DKK4: variants seen among roughly 807,000 people sequenced by gnomAD.
The protein encoded by DKK4 is dickkopf-related protein 4.
A neutral mutation model predicts 14.5 loss-of-function variants in DKK4; 15 were observed. The ratio of observed to expected loss-of-function variants is 1.03; its 90% confidence interval spans 0.69 to 1.59. The LOEUF is 1.59. Ranked by LOEUF, DKK4 falls within the 40% of genes most tolerant of loss-of-function variation. The probability of loss-of-function intolerance (pLI) is 0.00; values close to 1 mark genes in which losing one functional copy is unlikely to be tolerated. For synonymous variants in DKK4, 89 were observed against 105.2 expected (o/e 0.85, Z 0.94); for missense variants, 272 against 280.3 (o/e 0.97, Z 0.21).
chr8:42,376,990 A>G lies in DKK4; in HGVS notation c.56T>C (p.Leu19Pro), dbSNP rs369631597. 2.9e-5 allele frequency: 46 copies of G among 1,613,718 alleles called. No homozygotes were observed. Among genetic ancestry groups the G allele is most frequent in the South Asian group, 8.8e-5 (8 of 91,080 alleles). Residue 19 changes from leucine (L) to proline (P), a missense_variant, in exon 1 of 4, where the codon CTG becomes CCG. Coordinates refer to ENST00000220812, the MANE Select transcript of DKK4 (RefSeq NM_014420.3). ...CCTGATGTTGTTGAAGTCCAGGACC[A>G]GAGCTCCCAGGGGAGAGCAGAGCCA... ...LSWLCSPLGALVLDFNNIRSS... is the reference protein window; with the variant it reads ...LSWLCSPLGAPVLDFNNIRSS...
At chr8:42,379,586 A>C (rs372094465), upstream of DKK4, among the ~76,000 whole-genome samples, 1 of 151,860 alleles carries the variant, frequency 6.6e-6, no homozygotes, top group African/African-American at 2.4e-5. Context: ...GGACTTATGA[A>C]GATATAAATA....
At chr8:42,374,662 G>T in intron 3 of DKK4, 99 bp downstream of exon 3, 2 of 1,502,772 alleles carry the variant, frequency 1.3e-6, no homozygotes, top group South Asian at 1.2e-5. Flanking sequence ...AAGTGTTTCT[G>T]GGATGGAGAA....
At chr8:42,389,924 C>A in the DKK4 span, among the ~76,000 whole-genome samples, 1 of 151,242 alleles carries the variant, frequency 6.6e-6, no homozygotes, top group South Asian at 2.1e-4. Flanking sequence ...CGGAGTCTTG[C>A]CCTGTCACCC....
Position 42,375,810 on chromosome 8 carries a change from G to A in DKK4, c.132C>T (p.Asp44=). ...GARKGSQCLS[D]TDCNTRKFCL... is the part of the protein sequence containing the mutation. ...AGAACTTTCTGGTATTGCAGTCCGTGTCAGACAGGCACTGTGAGCCCTGTG... is the reference window on the plus strand; with the variant it reads ...AGAACTTTCTGGTATTGCAGTCCGTATCAGACAGGCACTGTGAGCCCTGTG... Residue 44 remains aspartate (D), a synonymous_variant, in exon 2 of 4, where the codon GAC becomes GAT. Transcript: ENST00000220812. 2.5e-6 allele frequency: 4 copies of A among 1,614,130 alleles called. No individual in the cohort carries two copies. Among genetic ancestry groups the A allele is most frequent in the Non-Finnish European group, 3.4e-6 (4 of 1,180,000 alleles).
upstream of DKK4, among the ~76,000 whole-genome samples, chr8:42,379,049 G>A (rs190788344): frequency 5.2e-3 from 790 of 150,964 alleles, 3 homozygotes; most frequent in African/African-American, 8.8e-3. Context: ...TCAGGAGTTC[G>A]AGACCAGCCT....
At chr8:42,385,602 T>C in the DKK4 span, among the ~76,000 whole-genome samples, 2 of 151,906 alleles carry the variant, frequency 1.3e-5, no homozygotes, top group Non-Finnish European at 2.9e-5. Flanking sequence ...GTCTGGCTTC[T>C]CTTTTACCTT....
Position 42,374,078 on chromosome 8 carries a change from ATTC to A in DKK4, c.*19_*21del, listed in dbSNP as rs773698947. On this transcript the variant is annotated 3_prime_UTR_variant, in exon 4 of 4. Coordinates refer to ENST00000220812, the MANE Select transcript of DKK4 (RefSeq NM_014420.3). ...AAGATTGAGCTCAAATGCAATGTGG[ATTC>A]TTCTTTATTTTGAAATATTTATAGC... 20 of 1,609,498 alleles carry A rather than the reference ATTC, an allele frequency of 1.2e-5. No individual in the cohort carries two copies. The highest frequency in any genetic ancestry group is 2.2e-5 in the East Asian group (1 of 44,880).
chr8:42,374,740 T>A (rs774531363), intron 3 of DKK4, 21 bp downstream of exon 3: 2 of 1,613,674 alleles, frequency 1.2e-6, no homozygotes, highest in Non-Finnish European at 1.7e-6. Flanking sequence ...AAATAAAATA[T>A]GCTGCGAATG....
chr8:42,380,824 GAA>G, upstream of DKK4, among the ~76,000 whole-genome samples: 1 of 141,032 alleles, frequency 7.1e-6, no homozygotes, highest in African/African-American at 2.7e-5. Flanking sequence ...AGGAAGGAAG[GAA>G]GGAAGGGAGG....
At chr8:42,386,019 G>T in the DKK4 span, among the ~76,000 whole-genome samples, 5 of 152,136 alleles carry the variant, frequency 3.3e-5, no homozygotes, top group South Asian at 1.0e-3. Flanking sequence ...GCCTACATCT[G>T]CTCATGTGCG....
chr8:42,379,517 T>C (rs1479929646), upstream of DKK4, among the ~76,000 whole-genome samples: 2 of 150,162 alleles, frequency 1.3e-5, no homozygotes, highest in Admixed American at 6.6e-5. Context: ...CATGTACATA[T>C]GGATGATTTC....
At position 42,374,964 on chromosome 8, in the gene DKK4, CACAG is replaced by C. The variant is rs766262309; in HGVS notation, c.263-55_263-52del. The C allele has an allele frequency of 3.2e-6, 5 of 1,583,782 alleles. No homozygotes were observed. The Admixed American group carries it at 8.4e-5, about 27-fold the overall frequency. ...AATTATTAACTTCAAGGGGGAGAAC[CACAG>C]ACACACTAATTATCCTACTGTTGCA... On this transcript the variant is annotated intron_variant, in intron 2 of 3. Transcript: ENST00000220812.
chr8:42,379,576 G>A (rs559465939), upstream of DKK4, among the ~76,000 whole-genome samples: 30 of 151,626 alleles, frequency 2.0e-4, no homozygotes, highest in Non-Finnish European at 4.1e-4. Flanking sequence ...TAAGGGTGGA[G>A]GACTTATGAA....
chr8:42,388,657 G>A, the DKK4 span, among the ~76,000 whole-genome samples: 10 of 151,612 alleles, frequency 6.6e-5, no homozygotes, highest in South Asian at 1.3e-3. Context: ...TGCGAACTCC[G>A]CCTCCCAGGT....
the DKK4 span, among the ~76,000 whole-genome samples, chr8:42,386,792 C>T: frequency 1.3e-5 from 2 of 152,066 alleles, no homozygotes; most frequent in South Asian, 2.1e-4. Context: ...CCAGGCCAGC[C>T]CTTTTTCTTT....
chr8:42,388,034 G>A, the DKK4 span, among the ~76,000 whole-genome samples: 1 of 151,988 alleles, frequency 6.6e-6, no homozygotes, highest in Non-Finnish European at 1.5e-5. Context: ...CAGTAGTCAG[G>A]ACTACAGGAG....
rs772776747 is a variant in DKK4, at chr8:42,377,016, G to C, written c.30C>G (p.Ser10Arg). 4.3e-6 allele frequency: 7 copies of C among 1,613,410 alleles called. No individual in the cohort carries two copies. The East Asian group carries it at 1.6e-4, about 36-fold the overall frequency. Residue 10 changes from serine to arginine, a missense_variant, in exon 1 of 4, where the codon AGC becomes AGG. Transcript: ENST00000220812. MVAAVLLGL[S>R]WLCSPLGALV... ...GAGCTCCCAGGGGAGAGCAGAGCCA[G>C]CTCAGCCCCAGCAGGACGGCCGCCA...
chr8:42,376,076 T>G (rs1259786216), intron 1 of DKK4, among the ~76,000 whole-genome samples: 3 of 152,238 alleles, frequency 2.0e-5, no homozygotes, highest in Non-Finnish European at 2.9e-5. Context: ...AATTTAGTTT[T>G]CCTGTGCTCT....
chr8:42,384,062 C>T, the DKK4 span, among the ~76,000 whole-genome samples: 2 of 152,192 alleles, frequency 1.3e-5, no homozygotes, highest in Admixed American at 6.5e-5. Context: ...CTGTGTGCCA[C>T]GCTGCGGCTG....
Sources: gnomAD v4.1 joint callset for allele counts (sites outside exome capture counted in the v4.1 genomes callset) on GRCh38, gnomAD v4.1.1 for gene constraint, MANE v1.5 for transcripts, NCBI Gene and HGNC (gene_info 2026-07-23, HGNC 2026-07-21) for gene names.